AFG1L: variants seen among roughly 807,000 people sequenced by gnomAD.
AFG1L encodes the protein AFG1-like ATPase.
A neutral mutation model predicts 62.2 loss-of-function variants in AFG1L; 53 were observed. That is an observed-to-expected ratio of 0.85 (90% CI 0.68 to 1.07). AFG1L has a LOEUF of 1.07. AFG1L is among the 50% of genes least tolerant of loss of function. The pLI is 0.00. For synonymous variants in AFG1L, 228 were observed against 210.3 expected (o/e 1.08, Z -0.73); for missense variants, 555 against 590.5 (o/e 0.94, Z 0.62).
intron 2 of AFG1L, among the ~76,000 whole-genome samples, chr6:108,343,027 G>A (rs1778736190): frequency 6.6e-6 from 1 of 150,994 alleles, no homozygotes; most frequent in African/African-American, 2.4e-5. Flanking sequence ...GAGTTGAGAG[G>A]GAAAAATAGA....
At position 108,523,662 on chromosome 6, in the gene AFG1L, A is replaced by C. The variant is rs1028890420; in HGVS notation, c.*1237A>C. The C allele has an allele frequency of 2.6e-5, 4 of 151,934 alleles. No individual in the cohort carries two copies. In the East Asian group the frequency reaches 7.7e-4, roughly 29 times the overall value. The allele number at this position is 151,934 out of a possible 1,614,324, so 9.4% of individuals were successfully genotyped here. Reference sequence around the variant, plus strand: ...TATTTTTATTTTTTATATCTTGGCCACTCTAGCCATCTCCTGGCAGGGGTA... The same window carrying C: ...TATTTTTATTTTTTATATCTTGGCCCCTCTAGCCATCTCCTGGCAGGGGTA... On this transcript the variant is annotated 3_prime_UTR_variant, in exon 13 of 13. Coordinates refer to ENST00000368977, the MANE Select transcript of AFG1L (RefSeq NM_145315.5).
Position 108,366,298 on chromosome 6 carries a change from C to A in AFG1L, c.714C>A (p.Val238=). The change falls in exon 6 of 13, where the codon GTC becomes GTA. Residue 238 remains valine, a synonymous_variant. Coordinates refer to ENST00000368977, the MANE Select transcript of AFG1L (RefSeq NM_145315.5). ...QLFENLFKNG[V]VVVATSNRPP... is the part of the protein sequence containing the mutation. ...TTGAAAATCTGTTCAAAAACGGGGT[C>A]GTCGTTGTGGCAACATCCAACAGGC... The A allele has an allele frequency of 6.2e-7, 1 of 1,611,764 alleles. No individual in the cohort carries two copies. The highest frequency in any genetic ancestry group is 1.1e-5 in the South Asian group (1 of 90,804).
At chr6:108,327,967 A>G (rs1778120161) in intron 2 of AFG1L, among the ~76,000 whole-genome samples, 1 of 152,218 alleles carries the variant, frequency 6.6e-6, no homozygotes. Flanking sequence ...AGTTGCTCTC[A>G]GAAGTGGACT....
intron 6 of AFG1L, among the ~76,000 whole-genome samples, chr6:108,367,778 G>A (rs1219156553): frequency 6.6e-6 from 1 of 152,112 alleles, no homozygotes; most frequent in African/African-American, 2.4e-5. Context: ...TGAGGTAGGA[G>A]GAGAACCAGG....
chr6:108,456,896 C>A (rs1168563424), intron 8 of AFG1L, among the ~76,000 whole-genome samples: 2 of 152,042 alleles, frequency 1.3e-5, no homozygotes, highest in Non-Finnish European at 2.9e-5. Context: ...ATATTCAGTA[C>A]AGTAAAATGC....
intron 5 of AFG1L, among the ~76,000 whole-genome samples, chr6:108,363,726 G>A (rs1779635781): frequency 6.6e-6 from 1 of 151,384 alleles, no homozygotes; most frequent in Non-Finnish European, 1.5e-5. Context: ...AAAGAATTCT[G>A]ATGAGCAGAA....
intron 11 of AFG1L, among the ~76,000 whole-genome samples, chr6:108,515,089 C>T (rs1774822051): frequency 6.6e-6 from 1 of 152,110 alleles, no homozygotes; most frequent in Non-Finnish European, 1.5e-5. Context: ...GACAGATCAA[C>T]AAGACAGAAA....
chr6:108,448,190 A>G (rs1771894412), intron 8 of AFG1L, among the ~76,000 whole-genome samples: 1 of 152,210 alleles, frequency 6.6e-6, no homozygotes, highest in South Asian at 2.1e-4. Context: ...TTAGTTTATT[A>G]TTCAGATCCT....
At chr6:108,330,942 T>G (rs537467062) in intron 2 of AFG1L, among the ~76,000 whole-genome samples, 2 of 152,264 alleles carry the variant, frequency 1.3e-5, no homozygotes, top group South Asian at 4.1e-4. Flanking sequence ...ATGTGCTAAG[T>G]AGGATTTATG....
chr6:108,414,509 G>A (rs960971203), intron 7 of AFG1L, among the ~76,000 whole-genome samples: 1 of 152,182 alleles, frequency 6.6e-6, no homozygotes, highest in Non-Finnish European at 1.5e-5. Context: ...GAAGATCGAT[G>A]CAAAACTCCT....
At chr6:108,482,638 G>A (rs1773371190) in intron 10 of AFG1L, among the ~76,000 whole-genome samples, 1 of 152,098 alleles carries the variant, frequency 6.6e-6, no homozygotes, top group Non-Finnish European at 1.5e-5. Flanking sequence ...GGCTATGGCA[G>A]TTTCTCACAG....
At chr6:108,474,530 A>T (rs1582637912) in intron 8 of AFG1L, among the ~76,000 whole-genome samples, 1 of 152,302 alleles carries the variant, frequency 6.6e-6, no homozygotes, top group East Asian at 1.9e-4. Flanking sequence ...ATTTCTCCAC[A>T]GCCTTACCAG....
At chr6:108,384,060 G>A (rs1261454835) in intron 6 of AFG1L, among the ~76,000 whole-genome samples, 21 of 100,734 alleles carry the variant, frequency 2.1e-4, no homozygotes, top group Admixed American at 4.0e-4. Context: ...GTCCTGGAGA[G>A]TAAAAAAAAA....
chr6:108,344,018 T>C (rs1029775879), intron 2 of AFG1L, among the ~76,000 whole-genome samples: 1 of 152,226 alleles, frequency 6.6e-6, no homozygotes, highest in Non-Finnish European at 1.5e-5. Context: ...TGGTGGCTCA[T>C]GCCTACAATC....
At position 108,519,825 on chromosome 6, in the gene AFG1L, CATA is replaced by C. The variant is rs1562210130; in HGVS notation, c.1317+18_1317+20del. ...GGCTGAGCCAGGTAGGCGATATTAA[CATA>C]ATCTCTTTTTATTATAAAACAGCTT... On this transcript the variant is annotated intron_variant, in intron 12 of 12. Transcript: ENST00000368977. The C allele has an allele frequency of 9.4e-6, 14 of 1,491,604 alleles. No individual in the cohort carries two copies. In the East Asian group the frequency reaches 1.8e-4, roughly 19 times the overall value. 92.4% of individuals were successfully genotyped at this position (1,491,604 alleles called of 1,614,324 possible). A position where few individuals can be genotyped will look rare whatever the true frequency, so the allele number is the denominator to read the frequency against.
chr6:108,503,709 T>C (rs759303506), intron 10 of AFG1L, among the ~76,000 whole-genome samples: 67 of 152,236 alleles, frequency 4.4e-4, no homozygotes, highest in Non-Finnish European at 8.1e-4. Context: ...CAGTCTATCC[T>C]TTTGAAGCTT....
chr6:108,338,852 C>T (rs575198577), intron 2 of AFG1L, among the ~76,000 whole-genome samples: 2 of 152,286 alleles, frequency 1.3e-5, no homozygotes, highest in Admixed American at 1.3e-4. Flanking sequence ...GACACACATC[C>T]TGGATTCTGG....
chr6:108,431,578 G>GT (rs1422647567), intron 7 of AFG1L, among the ~76,000 whole-genome samples: 1 of 141,700 alleles, frequency 7.1e-6, no homozygotes, highest in African/African-American at 2.6e-5. Flanking sequence ...ACAGTCAGAT[G>GT]TTTCACCTTT....
chr6:108,522,493 C>T lies in AFG1L; in HGVS notation c.*68C>T. 1 of 1,499,048 alleles carries T rather than the reference C, an allele frequency of 6.7e-7. No homozygotes were observed. Among genetic ancestry groups the T allele is most frequent in the Non-Finnish European group, 9.1e-7 (1 of 1,103,004 alleles). The allele number at this position is 1,499,048 out of a possible 1,614,324, so 92.9% of individuals were successfully genotyped here. On this transcript the variant is annotated 3_prime_UTR_variant, in exon 13 of 13. Transcript: ENST00000368977. The stretch of plus-strand genomic sequence containing the variant: ...GCAGGCAGAACTCCTTATTGTGGGA[C>T]TTGAAGGAATCATTTTCTCATCATT...
Sources: allele counts gnomAD v4.1 joint callset (sites outside exome capture counted in the v4.1 genomes callset), GRCh38; gene constraint gnomAD v4.1.1; transcripts MANE v1.5; gene names NCBI Gene and HGNC (gene_info 2026-07-23, HGNC 2026-07-21).